PTGFRN: variants seen among roughly 807,000 people sequenced by gnomAD.
The protein encoded by PTGFRN is prostaglandin F2 receptor inhibitor.
PTGFRN carries 35 observed loss-of-function variants against 83.2 expected under a neutral mutation model. The ratio of observed to expected loss-of-function variants is 0.42; its 90% CI spans 0.32 to 0.56. The LOEUF is 0.56. Ranked by LOEUF, PTGFRN falls within the 20% of genes least tolerant of loss-of-function variation. The probability of loss-of-function intolerance (pLI) is 0.11; values close to 1 mark genes in which losing one functional copy is unlikely to be tolerated. For synonymous variants in PTGFRN, 519 were observed against 498.6 expected (o/e 1.04, Z -0.55); for missense variants, 1,051 against 1,179.5 (o/e 0.89, Z 1.60).
chr1:116,975,554 T>A (rs1557748937), intron 7 of PTGFRN, among the ~76,000 whole-genome samples: 4 of 152,180 alleles, frequency 2.6e-5, no homozygotes, highest in Admixed American at 1.3e-4. Context: ...GCAGAAACAT[T>A]TGCTGTTCAG....
At chr1:116,938,583 A>C (rs1171172663) in intron 1 of PTGFRN, among the ~76,000 whole-genome samples, 3 of 152,184 alleles carry the variant, frequency 2.0e-5, no homozygotes, top group Non-Finnish European at 2.9e-5. Flanking sequence ...TCGCTCCCAC[A>C]ACATGTGGGA....
chr1:116,988,468 G>A lies in PTGFRN; in HGVS notation c.*1501G>A, dbSNP rs1025002535. On this transcript the variant is annotated 3_prime_UTR_variant, in exon 9 of 9. Coordinates refer to ENST00000393203, the MANE Select transcript of PTGFRN (RefSeq NM_020440.4). ...CGGAAGCATCCCAGTAGGGTTTTCT[G>A]AGGCTCGCTGGTGACTCATGCCCTA... The A allele has an allele frequency of 1.3e-5, 2 of 152,714 alleles. No homozygotes were observed. The highest frequency in any genetic ancestry group is 1.5e-5 in the Non-Finnish European group (1 of 68,102). The allele number at this position is 152,714 out of a possible 1,614,324, so 9.5% of individuals were successfully genotyped here.
chr1:116,951,447 A>G (rs978778245), intron 4 of PTGFRN, among the ~76,000 whole-genome samples: 2 of 152,222 alleles, frequency 1.3e-5, no homozygotes, highest in Non-Finnish European at 2.9e-5. Flanking sequence ...CAGAACCTGC[A>G]CCTTCCCTGC....
chr1:116,918,139 C>T lies in PTGFRN; in HGVS notation c.49+7887C>T, dbSNP rs932443283. ...AGTTTGTATTACAAATAAACCATTA[C>T]ATGTGTGTTTTTAAAATCTACTTCT... On this transcript the variant is annotated intron_variant, in intron 1 of 8. Coordinates refer to ENST00000393203, the MANE Select transcript of PTGFRN (RefSeq NM_020440.4). This position sits in a 1 kb window ranked among gnomAD's most constrained non-coding sequence, Gnocchi z 4.1. 4.6e-5 allele frequency among the ~76,000 whole-genome samples: 7 copies of T among 152,204 alleles called. No homozygotes were observed. The highest frequency in any genetic ancestry group is 7.3e-5 in the Non-Finnish European group (5 of 68,030).
rs1475673527 is a variant in PTGFRN, at chr1:116,944,976, C to T, written c.716C>T (p.Ser239Phe). ...AYRLSVSRAL[S>F]ADQGSYRCIV... ...CGCCTCTCAGTGTCCCGGGCTCTGT[C>T]TGCCGACCAGGGCTCCTACAGGTGT... Residue 239 changes from serine to phenylalanine, a missense_variant, in exon 3 of 9, where the codon TCT becomes TTT. Ser to Phe is a radical substitution (Grantham distance 155). Transcript: ENST00000393203. 2 of 1,613,736 alleles carry T rather than the reference C, an allele frequency of 1.2e-6. No individual in the cohort carries two copies. The highest frequency in any genetic ancestry group is 2.7e-5 in the African/African-American group (2 of 74,946).
chr1:116,943,780 A>G (rs753993313), intron 2 of PTGFRN, among the ~76,000 whole-genome samples: 1 of 152,138 alleles, frequency 6.6e-6, no homozygotes, highest in Non-Finnish European at 1.5e-5. Context: ...TTTAAATGTT[A>G]TCTAGAATAG....
Position 116,961,326 on chromosome 1 carries a change from G to A in PTGFRN, c.1297G>A (p.Asp433Asn). 6.4e-7 allele frequency: 1 copy of A among 1,569,054 alleles called. No individual in the cohort carries two copies. Residue 433 changes from aspartate (D) to asparagine (N), a missense_variant, in exon 5 of 9, where the codon GAC (aspartate) becomes AAC (asparagine). Coordinates refer to ENST00000393203, the MANE Select transcript of PTGFRN (RefSeq NM_020440.4). The surrounding 1 kb of genome is among the most constrained non-coding windows in gnomAD (Gnocchi z 5.4). ...CACAGAGCTGGCATGCCGGGTGGTG[G>A]ACACGAAGAGTGGGGAGGCGAATGT... ...DPTELACRVVDTKSGEANVRF... is the reference protein window; with the variant it reads ...DPTELACRVVNTKSGEANVRF...
At chr1:116,978,100 C>T (rs1162480938) in intron 7 of PTGFRN, among the ~76,000 whole-genome samples, 4 of 152,260 alleles carry the variant, frequency 2.6e-5, no homozygotes, top group South Asian at 2.1e-4. Flanking sequence ...AATACCTCTA[C>T]GCAAATAAAC....
chr1:116,957,104 ACTCTCTCTCT>A (rs35590261), intron 4 of PTGFRN, among the ~76,000 whole-genome samples: 1 of 139,676 alleles, frequency 7.2e-6, no homozygotes, highest in Non-Finnish European at 1.6e-5. Flanking sequence ...CAAGGTTTTA[ACTCTCTCTCT>A]CTCTCTCTCT....
At chr1:116,921,291 T>G (rs1570644816) in intron 1 of PTGFRN, among the ~76,000 whole-genome samples, 1 of 152,366 alleles carries the variant, frequency 6.6e-6, no homozygotes, top group East Asian at 1.9e-4. Flanking sequence ...TTAGCTGATT[T>G]GGTGTCTGTC....
intron 5 of PTGFRN, among the ~76,000 whole-genome samples, chr1:116,965,958 GGA>G (rs781685679): frequency 2.2e-4 from 33 of 152,208 alleles, no homozygotes; most frequent in Non-Finnish European, 4.1e-4. Context: ...CAGTGGTTCT[GGA>G]GAGAGTTCTT....
At chr1:116,984,412 G>A (rs1259797129) in intron 7 of PTGFRN, among the ~76,000 whole-genome samples, 1 of 151,956 alleles carries the variant, frequency 6.6e-6, no homozygotes, top group Admixed American at 6.5e-5. Context: ...TAAGAGGCTG[G>A]GCTCTGGAGC....
Position 116,989,013 on chromosome 1 carries a change from G to A in PTGFRN, c.*2046G>A. 6.6e-6 allele frequency: 1 copy of A among 152,212 alleles called. No individual in the cohort carries two copies. The highest frequency in any genetic ancestry group is 1.9e-4 in the East Asian group (1 of 5,202). 9.4% of individuals were successfully genotyped at this position (152,212 alleles called of 1,614,324 possible). A position where few individuals can be genotyped will look rare whatever the true frequency, so the allele number is the denominator to read the frequency against. ...AGAGAGAACAGATATTTAAACAGGT[G>A]CTGTATTAGTAACAGCCAGTGCCCT... On this transcript the variant is annotated 3_prime_UTR_variant, in exon 9 of 9. Transcript: ENST00000393203.
intron 3 of PTGFRN, among the ~76,000 whole-genome samples, chr1:116,947,718 C>A (rs1400266001): frequency 2.6e-5 from 4 of 152,156 alleles, no homozygotes; most frequent in African/African-American, 9.7e-5. Context: ...CAGCAGGATT[C>A]CAGGGTTTCT....
chr1:116,968,690 A>G (rs769591305), intron 6 of PTGFRN, among the ~76,000 whole-genome samples: 1 of 152,162 alleles, frequency 6.6e-6, no homozygotes, highest in African/African-American at 2.4e-5. Context: ...CTCCACTCTC[A>G]TTAGTAATCA....
At position 116,987,237 on chromosome 1, in the gene PTGFRN, A is replaced by AT. The variant is rs3841437; in HGVS notation, c.*278dup. On this transcript the variant is annotated 3_prime_UTR_variant, in exon 9 of 9. Coordinates refer to ENST00000393203, the MANE Select transcript of PTGFRN (RefSeq NM_020440.4). ...CTTTTTAATGGTTAACCTTCATCTA[A>AT]TTTTTTTTCTCCCACTGGTTTATAG... The AT allele has an allele frequency of 0.21, 73,698 of 348,518 alleles. 9,155 individuals carry two copies. Among genetic ancestry groups the AT allele is most frequent in the Admixed American group, 0.37 (8,447 of 22,810 alleles). 21.6% of individuals were successfully genotyped at this position (348,518 alleles called of 1,614,324 possible). A position where few individuals can be genotyped will look rare whatever the true frequency, so the allele number is the denominator to read the frequency against.
In PTGFRN at chr1:116,923,892, T is replaced by A. The variant is rs1013196823; in HGVS notation, c.49+13640T>A. 4.6e-5 allele frequency among the ~76,000 whole-genome samples: 7 copies of A among 152,072 alleles called. No individual in the cohort carries two copies. Among genetic ancestry groups the A allele is most frequent in the African/African-American group, 1.4e-4 (6 of 41,400 alleles). On this transcript the variant is annotated intron_variant, in intron 1 of 8. Transcript: ENST00000393203. The surrounding 1 kb of genome is among the most constrained non-coding windows in gnomAD (Gnocchi z 4.0). ...ATCTGGGGGCACCTAAAAACATAGA[T>A]CGACACAGTCCTTTGACTCCTCCAG...
intron 3 of PTGFRN, among the ~76,000 whole-genome samples, chr1:116,947,765 A>G (rs1312606642): frequency 1.3e-5 from 2 of 152,238 alleles, no homozygotes; most frequent in East Asian, 1.9e-4. Context: ...TTCAAACTGC[A>G]GAGCCTGGCT....
At chr1:116,924,789 A>G (rs1649614417) in intron 1 of PTGFRN, among the ~76,000 whole-genome samples, 1 of 152,210 alleles carries the variant, frequency 6.6e-6, no homozygotes, top group African/African-American at 2.4e-5. Context: ...CGATCCAAAG[A>G]TCAATTCTGG....
Sources: allele counts gnomAD v4.1 joint callset (sites outside exome capture counted in the v4.1 genomes callset), GRCh38; gene constraint gnomAD v4.1.1; non-coding constraint Gnocchi (gnomAD v3.1); transcripts MANE v1.5; gene names NCBI Gene and HGNC (gene_info 2026-07-23, HGNC 2026-07-21).